The following EFHC2 variants were observed in gnomAD, a reference collection of about 807,000 sequenced individuals.
EFHC2 encodes EF-hand domain-containing family member C2.
A neutral mutation model predicts 52.7 loss-of-function variants in EFHC2; 18 were observed. That is an observed-to-expected ratio of 0.34 (90% CI 0.24 to 0.51). The LOEUF (loss-of-function observed/expected upper bound fraction) is 0.51. Among genes scored for constraint, EFHC2 ranks in the 20% least tolerant of loss-of-function variants. The pLI, the probability that EFHC2 is intolerant of heterozygous loss-of-function variation, is 0.97. For synonymous variants in EFHC2, 203 were observed against 204.1 expected, an observed-to-expected ratio of 0.99 and a Z score of 0.04; for missense variants, 513 against 562.5, an observed-to-expected ratio of 0.91 and a Z score of 0.89.
At chrX:44,274,218 C>T (rs907727639) in intron 2 of EFHC2, among the ~76,000 whole-genome samples, 1 of 112,638 alleles carries the variant, frequency 8.9e-6, no homozygotes, top group African/African-American at 3.2e-5. Flanking sequence ...GATCTACTCC[C>T]TTCAGGATGG....
At chrX:44,335,262 G>A (rs922402743) in intron 1 of EFHC2, among the ~76,000 whole-genome samples, 2 of 108,330 alleles carry the variant, frequency 1.8e-5, no homozygotes, top group African/African-American at 3.5e-5. Flanking sequence ...ACTAAATAAA[G>A]TTTTTTCTTT....
At chrX:44,259,604 G>A (rs755692275) in intron 4 of EFHC2, among the ~76,000 whole-genome samples, 2 of 111,775 alleles carry the variant, frequency 1.8e-5, no homozygotes, top group African/African-American at 6.5e-5. Context: ...AGTGCTCTGC[G>A]CATTTTCATA....
At chrX:44,204,277 G>A (rs192908776) in intron 11 of EFHC2, among the ~76,000 whole-genome samples, 2 of 104,507 alleles carry the variant, frequency 1.9e-5, no homozygotes, top group Admixed American at 2.1e-4. Flanking sequence ...CAGATGAGAA[G>A]GAATCAGGAA....
chrX:44,338,901 G>A (rs958494857), intron 1 of EFHC2, among the ~76,000 whole-genome samples: 1 of 111,752 alleles, frequency 8.9e-6, no homozygotes, highest in Non-Finnish European at 1.9e-5. Context: ...ATTAAAAGCA[G>A]AAAGAGCGGC....
At chrX:44,302,841 G>A (rs1369921145) in intron 2 of EFHC2, among the ~76,000 whole-genome samples, 1 of 111,606 alleles carries the variant, frequency 9.0e-6, no homozygotes, top group Non-Finnish European at 1.9e-5. Context: ...TTGAAATTTC[G>A]GGTATGGTTT....
In EFHC2 at chrX:44,343,630, C is replaced by T. The variant is rs765689739; in HGVS notation, c.-42G>A. 8 of 1,087,531 alleles carry T rather than the reference C, an allele frequency of 7.4e-6. No homozygotes were observed. The highest frequency in any genetic ancestry group is 6.3e-5 in the Admixed American group (2 of 31,537). The allele number at this position is 1,087,531 out of a possible 1,213,427, so 89.6% of individuals were successfully genotyped here. A position where few individuals can be genotyped will look rare whatever the true frequency, so the allele number is the denominator to read the frequency against. ...AAATCCAGGGTCCCAGAAGAGAGGG[C>T]CCGGCAGGCAGCGGCGCCTCCCGGC... On this transcript the variant is annotated 5_prime_UTR_variant, in exon 1 of 15. Coordinates refer to ENST00000420999, the MANE Select transcript of EFHC2 (RefSeq NM_025184.4).
At chrX:44,209,417 G>A (rs973277640) in intron 11 of EFHC2, among the ~76,000 whole-genome samples, 35 of 110,308 alleles carry the variant, frequency 3.2e-4, no homozygotes, top group African/African-American at 9.9e-4. Flanking sequence ...GACCATCAGC[G>A]TAGAAAAACT....
In EFHC2 at chrX:44,176,321, A is replaced by G. The variant is rs2036786133; in HGVS notation, c.2013T>C (p.Ser671=). ...ACAATAAGGATTCTAGAAGATCATC[A>G]CTCAAAGGTAATCTGGAGGATTTGC... ...RLCKSSRLPL[S]DDLLESLLSR... Residue 671 remains serine, a synonymous_variant, in exon 13 of 15, where the codon AGT becomes AGC. Coordinates refer to ENST00000420999, the MANE Select transcript of EFHC2 (RefSeq NM_025184.4). 8.3e-7 allele frequency: 1 copy of G among 1,201,485 alleles called. No individual in the cohort carries two copies. The highest frequency in any genetic ancestry group is 1.7e-5 in the African/African-American group (1 of 57,709).
chrX:44,216,764 T>C (rs4824494), intron 11 of EFHC2, among the ~76,000 whole-genome samples: 8,568 of 111,459 alleles, frequency 0.077, 305 homozygotes, highest in Admixed American at 0.17. Context: ...ACCATGAAAC[T>C]ACTACAAGAA....
chrX:44,209,528 A>C (rs2037078527), intron 11 of EFHC2, among the ~76,000 whole-genome samples: 1 of 111,551 alleles, frequency 9.0e-6, no homozygotes, highest in African/African-American at 3.3e-5. Flanking sequence ...TCTATATATT[A>C]GCAATATACA....
At chrX:44,321,930 T>C (rs1372010812) in intron 1 of EFHC2, among the ~76,000 whole-genome samples, 2 of 111,598 alleles carry the variant, frequency 1.8e-5, no homozygotes, top group African/African-American at 3.3e-5. Flanking sequence ...TAAAAGATCA[T>C]CTAAATGTCA....
At chrX:44,293,502 T>A (rs970629506) in intron 2 of EFHC2, among the ~76,000 whole-genome samples, 7 of 110,753 alleles carry the variant, frequency 6.3e-5, no homozygotes, top group Admixed American at 5.7e-4. Flanking sequence ...AATTACAGTT[T>A]TTGCCATTGA....
chrX:44,332,386 A>G (rs1345804998), intron 1 of EFHC2, among the ~76,000 whole-genome samples: 1 of 110,821 alleles, frequency 9.0e-6, no homozygotes, highest in East Asian at 2.8e-4. Context: ...GGGATGTCAA[A>G]CATACCATTA....
chrX:44,181,204 A>T (rs972606868), intron 11 of EFHC2, among the ~76,000 whole-genome samples: 1 of 111,898 alleles, frequency 8.9e-6, no homozygotes, highest in Non-Finnish European at 1.9e-5. Flanking sequence ...ACAGGTGCAC[A>T]TATGGTCATA....
intron 4 of EFHC2, among the ~76,000 whole-genome samples, chrX:44,260,273 A>G (rs1204379494): frequency 9.0e-6 from 1 of 111,407 alleles, no homozygotes; most frequent in Non-Finnish European, 1.9e-5. Context: ...TACTGTGTGT[A>G]ATCACACTTC....
intron 1 of EFHC2, among the ~76,000 whole-genome samples, chrX:44,320,797 C>T (rs2038013892): frequency 9.1e-6 from 1 of 110,036 alleles, no homozygotes. Flanking sequence ...TCCCTTCTCC[C>T]CTCCATTCAC....
chrX:44,240,853 C>A (rs2147328818), intron 8 of EFHC2, among the ~76,000 whole-genome samples: 1 of 111,429 alleles, frequency 9.0e-6, no homozygotes, highest in South Asian at 3.8e-4. Flanking sequence ...TGAGAAGCAT[C>A]AAATCTAAAA....
intron 9 of EFHC2, among the ~76,000 whole-genome samples, chrX:44,233,169 G>C (rs2037293055): frequency 9.0e-6 from 1 of 111,655 alleles, no homozygotes; most frequent in African/African-American, 3.3e-5. Context: ...CTCATCTTTA[G>C]AGCACGTTTG....
chrX:44,189,662 G>A (rs2036905321), intron 11 of EFHC2, among the ~76,000 whole-genome samples: 1 of 111,405 alleles, frequency 9.0e-6, no homozygotes, highest in African/African-American at 3.3e-5. Context: ...AAGAGAATGG[G>A]CTGAGGTTGC....
Sources: allele counts gnomAD v4.1 joint callset (sites outside exome capture counted in the v4.1 genomes callset), GRCh38; gene constraint gnomAD v4.1.1; transcripts MANE v1.5; gene names NCBI Gene and HGNC (gene_info 2026-07-23, HGNC 2026-07-21).